The following C10orf67 variants were observed in gnomAD, a reference collection of about 807,000 sequenced individuals.
C10orf67 encodes the protein chromosome 10 open reading frame 67, also known as uncharacterized protein C10orf67, mitochondrial.
In C10orf67, 60 loss-of-function variants were observed where a neutral mutation model predicts 35.6. That is an observed-to-expected ratio of 1.68 (90% CI 1.37 to 2.09). The LOEUF is 2.09. Ranked by LOEUF, C10orf67 falls within the 30% of genes most tolerant of loss-of-function variation. C10orf67 has a pLI of 0.00. For missense variants in C10orf67, 474 were observed against 330.2 expected (o/e 1.44, Z -3.38); for synonymous variants, 167 against 115.8 (o/e 1.44, Z -2.84).
At chr10:23,316,080 G>A (rs539851808) in intron 4 of C10orf67, among the ~76,000 whole-genome samples, 16 of 62,888 alleles carry the variant, frequency 2.5e-4, no homozygotes, top group East Asian at 2.8e-3. Context: ...CATTCCACCC[G>A]CTTGGCCGGG....
At chr10:23,238,210 C>T (rs528347517) in intron 13 of C10orf67, among the ~76,000 whole-genome samples, 243 of 152,264 alleles carry the variant, frequency 1.6e-3, no homozygotes, top group African/African-American at 5.6e-3. Flanking sequence ...AATATTTGTA[C>T]GGTGGATGAA....
chr10:23,322,646 C>G, intron 2 of C10orf67, 109 bp from the exon 3 acceptor site: 1 of 670,532 alleles, frequency 1.5e-6, no homozygotes, highest in South Asian at 2.0e-5. Context: ...CTCATGTGCA[C>G]AAAGAGGGGA....
chr10:23,255,940 A>T (rs1429758236), intron 10 of C10orf67, among the ~76,000 whole-genome samples: 1 of 152,168 alleles, frequency 6.6e-6, no homozygotes, highest in African/African-American at 2.4e-5. Context: ...GGATTTTCTT[A>T]AAAATTTTCT....
intron 5 of C10orf67, among the ~76,000 whole-genome samples, chr10:23,301,167 A>G (rs1844059808): frequency 6.6e-6 from 1 of 152,230 alleles, no homozygotes; most frequent in Admixed American, 6.5e-5. Flanking sequence ...GGGTGCACGC[A>G]TGGGCGACTG....
chr10:23,330,178 C>G (rs1720529841), intron 2 of C10orf67, among the ~76,000 whole-genome samples: 1 of 152,158 alleles, frequency 6.6e-6, no homozygotes, highest in Non-Finnish European at 1.5e-5. Context: ...ATCCAAATAG[C>G]CAGGTTTGGT....
At chr10:23,308,952 C>T (rs530755222) in intron 4 of C10orf67, among the ~76,000 whole-genome samples, 7 of 152,210 alleles carry the variant, frequency 4.6e-5, no homozygotes, top group African/African-American at 1.7e-4. Context: ...ACCCACCTTC[C>T]ACCCCTATGT....
At position 23,235,012 on chromosome 10, in the gene C10orf67, C is replaced by CAA. The variant is rs57049730; in HGVS notation, c.1434+4715_1434+4716dup. Among the ~76,000 whole-genome samples the CAA allele has an allele frequency of 6.2e-3, 466 of 75,650 alleles. 10 individuals are homozygous for CAA. The highest frequency in any genetic ancestry group is 0.046 in the Middle Eastern group (5 of 108). 49.6% of individuals were successfully genotyped at this position (75,650 alleles called of 152,430 possible). The stretch of plus-strand genomic sequence containing the variant: ...GAGGAACAAGAGCGAAATTCCATCT[C>CAA]AAAAAAAAAAAAAAAAAAAAGCTAA... On this transcript the variant is annotated intron_variant, in intron 13 of 15. Transcript: ENST00000636213.
chr10:23,325,546 A>ACC (rs749657542), intron 2 of C10orf67, among the ~76,000 whole-genome samples: 92 of 143,034 alleles, frequency 6.4e-4, no homozygotes, highest in African/African-American at 1.6e-3. Context: ...AAAAAAAAAA[A>ACC]CAAAAAACAA....
chr10:23,294,148 A>G (rs762476276), intron 5 of C10orf67, among the ~76,000 whole-genome samples: 1 of 152,092 alleles, frequency 6.6e-6, no homozygotes, highest in African/African-American at 2.4e-5. Context: ...TGCTTTCCCA[A>G]TGAGTGACAA....
chr10:23,212,526 AAACAAC>A (rs374777502), intron 15 of C10orf67, among the ~76,000 whole-genome samples: 3 of 152,102 alleles, frequency 2.0e-5, no homozygotes, highest in South Asian at 2.1e-4. Flanking sequence ...GAAAGTTGAG[AAACAAC>A]AACAACAACA....
At chr10:23,274,325 A>C (rs1843118057) in intron 8 of C10orf67, among the ~76,000 whole-genome samples, 1 of 152,142 alleles carries the variant, frequency 6.6e-6, no homozygotes, top group Non-Finnish European at 1.5e-5. Context: ...ACCAGGCTGG[A>C]ATTTCCCAAT....
intron 15 of C10orf67, among the ~76,000 whole-genome samples, chr10:23,206,937 T>G (rs1474288937): frequency 6.6e-6 from 1 of 152,190 alleles, no homozygotes; most frequent in African/African-American, 2.4e-5. Context: ...TGCCTCAGCA[T>G]TAGTCATTGG....
rs527295791 is a variant in C10orf67 at position 23,254,099 on chromosome 10, A to G, written c.1201-3408T>C. Among the ~76,000 whole-genome samples, 4 of 152,346 alleles carry G rather than the reference A, an allele frequency of 2.6e-5. No homozygotes were observed. The South Asian group carries it at 8.3e-4, about 32-fold the overall frequency. On this transcript the variant is annotated intron_variant, in intron 10 of 15. Coordinates refer to ENST00000636213, the MANE Select transcript of C10orf67 (RefSeq NM_001371909.1). ...CAAACACTGGACTGATAATAGATTGATGTGAAAATGAGTGTTAATATTAAA... is the reference window on the plus strand; with the variant it reads ...CAAACACTGGACTGATAATAGATTGGTGTGAAAATGAGTGTTAATATTAAA...
At chr10:23,335,494 T>C (rs973648707) in intron 1 of C10orf67, among the ~76,000 whole-genome samples, 6 of 152,196 alleles carry the variant, frequency 3.9e-5, no homozygotes, top group African/African-American at 1.4e-4. Flanking sequence ...TGAATGAACC[T>C]TCATACAACA....
At chr10:23,333,272 C>T (rs998696957) in intron 1 of C10orf67, 90 bp from the exon 2 acceptor site, 48 of 1,256,110 alleles carry the variant, frequency 3.8e-5, no homozygotes, top group Non-Finnish European at 4.7e-5. Flanking sequence ...TAAATCATAT[C>T]GTATTTTAAG....
intron 13 of C10orf67, 50 bp from the exon 14 acceptor site, chr10:23,223,868 C>A (rs1841659048): frequency 1.4e-6 from 1 of 708,948 alleles, no homozygotes; most frequent in South Asian, 1.5e-5. Context: ...AAATAATAGT[C>A]AAATCAAATG....
chr10:23,213,834 A>T (rs556927632), intron 15 of C10orf67, among the ~76,000 whole-genome samples: 1 of 152,282 alleles, frequency 6.6e-6, no homozygotes, highest in African/African-American at 2.4e-5. Flanking sequence ...AGATAAGGTA[A>T]TAAAAATAGT....
At chr10:23,236,236 G>A (rs1196571612) in intron 13 of C10orf67, among the ~76,000 whole-genome samples, 1 of 132,394 alleles carries the variant, frequency 7.6e-6, no homozygotes, top group Non-Finnish European at 1.5e-5. Context: ...GCGACAGAGC[G>A]AGACTCCCTC....
intron 2 of C10orf67, among the ~76,000 whole-genome samples, chr10:23,328,976 C>G (rs375830088): frequency 2.5e-5 from 3 of 118,868 alleles, no homozygotes; most frequent in African/African-American, 3.4e-5. Context: ...CAGAGTGGAC[C>G]CTGTCTCATA....
Sources: gnomAD v4.1 joint callset for allele counts (sites outside exome capture counted in the v4.1 genomes callset) on GRCh38, gnomAD v4.1.1 for gene constraint, MANE v1.5 for transcripts, NCBI Gene and HGNC (gene_info 2026-07-23, HGNC 2026-07-21) for gene names.